The following DNAJC5 variants were observed in gnomAD, a reference collection of about 807,000 sequenced individuals.
DNAJC5 encodes DnaJ heat shock protein family (Hsp40) member C5.
In DNAJC5, 1 loss-of-function variant was observed where a neutral mutation model predicts 23.2. The observed-to-expected ratio is 0.04, with a 90% CI of 0.02 to 0.20. The LOEUF is 0.20. Ranked by LOEUF, DNAJC5 falls within the 10% of genes least tolerant of loss-of-function variation. DNAJC5 has a pLI of 1.00. For synonymous variants in DNAJC5, 136 were observed against 120.0 expected, an observed-to-expected ratio of 1.13 and a Z score of -0.87; for missense variants, 180 against 267.0, an observed-to-expected ratio of 0.67 and a Z score of 2.27.
chr20:63,922,371 G>A (rs972612790), intron 1 of DNAJC5, among the ~76,000 whole-genome samples: 2 of 151,678 alleles, frequency 1.3e-5, no homozygotes, highest in African/African-American at 4.8e-5. Context: ...GCTGAGGCAG[G>A]AGAATCGCTT....
At chr20:63,926,623 C>T (rs544127839) in intron 1 of DNAJC5, among the ~76,000 whole-genome samples, 1 of 152,356 alleles carries the variant, frequency 6.6e-6, no homozygotes, top group South Asian at 2.1e-4. Flanking sequence ...TTGAGGAAAG[C>T]AGTGGGATAA....
rs2053651949 is a variant in DNAJC5 at position 63,929,912 on chromosome 20, G to A, written c.321+387G>A. On this transcript the variant is annotated intron_variant, in intron 3 of 4. Coordinates refer to ENST00000360864, the MANE Select transcript of DNAJC5 (RefSeq NM_025219.3). The surrounding 1 kb of genome is among the most constrained non-coding windows in gnomAD (Gnocchi z 8.6). ...GGCGAAGCTCTGTCACTGGCTTGGTGTCCTGCCTGGAACAAGCCATAGCGT... is the reference window on the plus strand; with the variant it reads ...GGCGAAGCTCTGTCACTGGCTTGGTATCCTGCCTGGAACAAGCCATAGCGT... 6.6e-6 allele frequency among the ~76,000 whole-genome samples: 1 copy of A among 152,190 alleles called. No homozygotes were observed. Among genetic ancestry groups the A allele is most frequent in the Non-Finnish European group, 1.5e-5 (1 of 68,038 alleles).
In DNAJC5 at chr20:63,929,433, G is replaced by T. The variant is rs762638579; in HGVS notation, c.229G>T (p.Asp77Tyr). ...GGACGCCACAAAAAGGAACATCTAC[G>T]ACAAGTACGGCTCGCTGGGTCTCTA... ...LTDATKRNIY[D>Y]KYGSLGLYVA... The change falls in exon 3 of 5, where the codon GAC becomes TAC. Residue 77 changes from aspartate to tyrosine, a missense_variant. By Grantham distance (160) the Asp-to-Tyr change is radical. Transcript: ENST00000360864. This position sits in a 1 kb window ranked among gnomAD's most constrained non-coding sequence, Gnocchi z 8.6. 1.2e-6 allele frequency: 2 copies of T among 1,614,088 alleles called. No homozygotes were observed. The highest frequency in any genetic ancestry group is 1.1e-5 in the South Asian group (1 of 91,084).
At position 63,929,388 on chromosome 20, in the gene DNAJC5, A is replaced by G; in HGVS notation, c.184A>G (p.Asn62Asp). ...CGCGGACAAGTTTAAGGAGATCAACAACGCGCACGCCATCCTCACGGACGC... is the reference window on the plus strand; with the variant it reads ...CGCGGACAAGTTTAAGGAGATCAACGACGCGCACGCCATCCTCACGGACGC... ...EAADKFKEIN[N>D]AHAILTDATK... The change falls in exon 3 of 5, where the codon AAC (asparagine) becomes GAC (aspartate). Residue 62 changes from asparagine (N) to aspartate (D), a missense_variant. By Grantham distance (23) the Asn-to-Asp change is conservative. Coordinates refer to ENST00000360864, the MANE Select transcript of DNAJC5 (RefSeq NM_025219.3). The surrounding 1 kb of genome is among the most constrained non-coding windows in gnomAD (Gnocchi z 8.6). The G allele has an allele frequency of 6.2e-7, 1 of 1,614,150 alleles. No individual in the cohort carries two copies. Among genetic ancestry groups the G allele is most frequent in the Non-Finnish European group, 8.5e-7 (1 of 1,180,024 alleles).
chr20:63,922,801 T>G (rs1053976239), intron 1 of DNAJC5, among the ~76,000 whole-genome samples: 4 of 151,984 alleles, frequency 2.6e-5, no homozygotes, highest in Non-Finnish European at 5.9e-5. Flanking sequence ...AATGGTGTTT[T>G]ACCTAGGTAT....
chr20:63,899,869 C>G (rs1247198304), intron 1 of DNAJC5, among the ~76,000 whole-genome samples: 1 of 147,248 alleles, frequency 6.8e-6, no homozygotes, highest in Non-Finnish European at 1.5e-5. Flanking sequence ...GTGTGAGCCA[C>G]TGCGCCTGGG....
At chr20:63,895,834 AT>A (rs1404081012) in intron 1 of DNAJC5, among the ~76,000 whole-genome samples, 1 of 152,232 alleles carries the variant, frequency 6.6e-6, no homozygotes, top group East Asian at 1.9e-4. Context: ...TCCAAAAAGC[AT>A]TTGGTTTGTT....
chr20:63,896,476 C>T (rs1171598609), intron 1 of DNAJC5, among the ~76,000 whole-genome samples: 1 of 152,140 alleles, frequency 6.6e-6, no homozygotes, highest in Non-Finnish European at 1.5e-5. Flanking sequence ...GAGGGACACC[C>T]CTGGCGAGGG....
chr20:63,924,047 C>G (rs1874169002), intron 1 of DNAJC5, among the ~76,000 whole-genome samples: 2 of 152,200 alleles, frequency 1.3e-5, no homozygotes, highest in South Asian at 4.1e-4. Context: ...GTGTGTGTGT[C>G]TTTTCCTCAG....
At chr20:63,927,265 C>G (rs545978966) in intron 1 of DNAJC5, among the ~76,000 whole-genome samples, 8 of 152,200 alleles carry the variant, frequency 5.3e-5, no homozygotes, top group African/African-American at 1.9e-4. Flanking sequence ...ACCTATAACC[C>G]CAGCACTGTG....
intron 1 of DNAJC5, among the ~76,000 whole-genome samples, chr20:63,898,280 GATA>G (rs1217602873): frequency 6.6e-6 from 1 of 152,188 alleles, no homozygotes; most frequent in Non-Finnish European, 1.5e-5. Context: ...GGGGAGTCAT[GATA>G]AGGTAGAATT....
Position 63,931,321 on chromosome 20 carries a change from G to A in DNAJC5, c.494-144G>A. 1 of 907,642 alleles carries A rather than the reference G, an allele frequency of 1.1e-6. No homozygotes were observed. The highest frequency in any genetic ancestry group is 1.7e-6 in the Non-Finnish European group (1 of 577,482). 56.2% of individuals were successfully genotyped at this position (907,642 alleles called of 1,614,324 possible). A position where few individuals can be genotyped will look rare whatever the true frequency, so the allele number is the denominator to read the frequency against. ...CTGGCGGTGACCCAAGGCGACGGAG[G>A]AAAGCCGTGTGGGGTGGAGGTCAGC... On this transcript the variant is annotated intron_variant, in intron 4 of 4. Transcript: ENST00000360864. The surrounding 1 kb of genome is among the most constrained non-coding windows in gnomAD (Gnocchi z 9.6).
chr20:63,899,419 G>C (rs1357464500), intron 1 of DNAJC5, among the ~76,000 whole-genome samples: 1 of 152,142 alleles, frequency 6.6e-6, no homozygotes, highest in Non-Finnish European at 1.5e-5. Context: ...CATTAACTTT[G>C]GGTGCATGTG....
chr20:63,911,205 G>A (rs2053480916), intron 1 of DNAJC5, among the ~76,000 whole-genome samples: 1 of 152,196 alleles, frequency 6.6e-6, no homozygotes, highest in Non-Finnish European at 1.5e-5. Flanking sequence ...AGCATGTGGG[G>A]TTTGGTTTTG....
chr20:63,909,939 GA>G (rs1373929588), intron 1 of DNAJC5, among the ~76,000 whole-genome samples: 1 of 152,178 alleles, frequency 6.6e-6, no homozygotes, highest in Non-Finnish European at 1.5e-5. Flanking sequence ...ATCTTATGAA[GA>G]ACACTTGTCT....
chr20:63,925,212 A>G (rs1228988043), intron 1 of DNAJC5, among the ~76,000 whole-genome samples: 2 of 152,152 alleles, frequency 1.3e-5, no homozygotes, highest in Non-Finnish European at 2.9e-5. Flanking sequence ...GAGGCCGGGC[A>G]CGGTGGCTCA....
At chr20:63,910,671 GTT>G (rs1555877875) in intron 1 of DNAJC5, among the ~76,000 whole-genome samples, 1 of 101,718 alleles carries the variant, frequency 9.8e-6, no homozygotes. Flanking sequence ...TTTTGAGAAT[GTT>G]TTTTTTTTTT....
Position 63,931,477 on chromosome 20 carries a change from C to A in DNAJC5, c.506C>A (p.Thr169Lys), listed in dbSNP as rs777119527. ...GCTTGCTTTTCAGAGGCCACAGACA[C>A]GCCGATCGTCATACAGCCGGCATCC... is the stretch of plus-strand genomic sequence containing the variant. Reference protein sequence around the residue: ...LQSDEREATDTPIVIQPASAT... With the variant: ...LQSDEREATDKPIVIQPASAT... The change falls in exon 5 of 5, where the codon ACG (threonine) becomes AAG (lysine). Residue 169 changes from threonine (T) to lysine (K), a missense_variant. By Grantham distance (78) the Thr-to-Lys change is moderately conservative (BLOSUM62 -1). Coordinates refer to ENST00000360864, the MANE Select transcript of DNAJC5 (RefSeq NM_025219.3). The surrounding 1 kb of genome is among the most constrained non-coding windows in gnomAD (Gnocchi z 9.6). 1 of 1,564,222 alleles carries A rather than the reference C, an allele frequency of 6.4e-7. No homozygotes were observed. Among genetic ancestry groups the A allele is most frequent in the African/African-American group, 1.4e-5 (1 of 73,746 alleles).
intron 1 of DNAJC5, among the ~76,000 whole-genome samples, chr20:63,914,491 G>A (rs1236241784): frequency 6.6e-6 from 1 of 151,880 alleles, no homozygotes; most frequent in African/African-American, 2.4e-5. Context: ...ATTTTTTTTG[G>A]TATTTTTTGT....
Sources: gnomAD v4.1 joint callset for allele counts (sites outside exome capture counted in the v4.1 genomes callset) on GRCh38, gnomAD v4.1.1 for gene constraint, Gnocchi (gnomAD v3.1) non-coding constraint, MANE v1.5 for transcripts, NCBI Gene and HGNC (gene_info 2026-07-23, HGNC 2026-07-21) for gene names.